The following KCNK6 variants were observed in gnomAD, a reference collection of about 807,000 sequenced individuals.
The protein encoded by KCNK6 is potassium two pore domain channel subfamily K member 6.
KCNK6 carries 20 observed loss-of-function variants against 21.9 expected under a neutral mutation model. That is an observed-to-expected ratio of 0.91 (90% CI 0.64 to 1.32). The LOEUF is 1.32. Among genes scored for constraint, KCNK6 ranks in the 40% most tolerant of loss-of-function variants. KCNK6 has a pLI of 0.00. For missense variants in KCNK6, 415 were observed against 433.1 expected, an observed-to-expected ratio of 0.96 and a Z score of 0.37; for synonymous variants, 210 against 218.0, an observed-to-expected ratio of 0.96 and a Z score of 0.32.
Position 38,326,770 on chromosome 19 carries a change from G to A in KCNK6, c.500G>A (p.Arg167Gln), listed in dbSNP as rs140431939. 7.5e-6 allele frequency: 12 copies of A among 1,604,462 alleles called. No individual in the cohort carries two copies. Among genetic ancestry groups the A allele is most frequent in the Admixed American group, 3.3e-5 (2 of 60,006 alleles). The change falls in exon 2 of 3, where the codon CGG (arginine) becomes CAG (glutamine). Residue 167 changes from arginine to glutamine, a missense_variant. Transcript: ENST00000263372. Reference protein sequence around the residue: ...LSMRWGWDPRRAACWHLVALL... With the variant: ...LSMRWGWDPRQAACWHLVALL... ...ATGCGTTGGGGCTGGGACCCCCGGC[G>A]GGCGGCCTGCTGGCACTTGGTGGCC...
At position 38,327,421 on chromosome 19, in the gene KCNK6, A is replaced by C; in HGVS notation, c.*18A>C. Reference sequence around the variant, plus strand: ...CCAGGTAGCTGGGGCAGCCTCTGCCAGGCTTGGGTGTGCCTGGCCTGGGAC... The same window carrying C: ...CCAGGTAGCTGGGGCAGCCTCTGCCCGGCTTGGGTGTGCCTGGCCTGGGAC... On this transcript the variant is annotated 3_prime_UTR_variant, in exon 3 of 3. Transcript: ENST00000263372. 3 of 1,601,932 alleles carry C rather than the reference A, an allele frequency of 1.9e-6. No individual in the cohort carries two copies. The highest frequency in any genetic ancestry group is 1.1e-5 in the South Asian group (1 of 90,924).
Position 38,327,742 on chromosome 19 carries a change from T to C in KCNK6, c.*339T>C, listed in dbSNP as rs1665659304. The C allele has an allele frequency of 2.9e-6, 1 of 340,332 alleles. No individual in the cohort carries two copies. Among genetic ancestry groups the C allele is most frequent in the South Asian group, 3.1e-5 (1 of 31,774 alleles). The allele number at this position is 340,332 out of a possible 1,614,324, so 21.1% of individuals were successfully genotyped here. ...CTCATTCTCTTTCATGTTCCGTCTG[T>C]GTCTCTCAATTAACCACTCGTCAAC... On this transcript the variant is annotated 3_prime_UTR_variant, in exon 3 of 3. Transcript: ENST00000263372.
In KCNK6 at chr19:38,326,869, G is replaced by C. The variant is rs745904290; in HGVS notation, c.599G>C (p.Ser200Thr). Residue 200 changes from serine to threonine, a missense_variant, in exon 2 of 3, where the codon AGC (serine) becomes ACC (threonine). Coordinates refer to ENST00000263372, the MANE Select transcript of KCNK6 (RefSeq NM_004823.3). ...TTTGCCCACCTCGAGGAGGCCTGGA[G>C]CTTCTTGGATGCCTTCTACTTCTGC... ...VIFAHLEEAW[S>T]FLDAFYFCFI... is the part of the protein sequence containing the mutation. 3.1e-6 allele frequency: 5 copies of C among 1,611,876 alleles called. No homozygotes were observed. Among genetic ancestry groups the C allele is most frequent in the African/African-American group, 1.3e-5 (1 of 74,948 alleles).
chr19:38,320,030 G>T lies in KCNK6; in HGVS notation c.80G>T (p.Arg27Leu). 3 of 1,495,900 alleles carry T rather than the reference G, an allele frequency of 2.0e-6. No homozygotes were observed. The highest frequency in any genetic ancestry group is 2.7e-6 in the Non-Finnish European group (3 of 1,131,972). The allele number at this position is 1,495,900 out of a possible 1,614,324, so 92.7% of individuals were successfully genotyped here. A position where few individuals can be genotyped will look rare whatever the true frequency, so the allele number is the denominator to read the frequency against. The change falls in exon 1 of 3, where the codon CGG (arginine) becomes CTG (leucine). Residue 27 changes from arginine (R) to leucine (L), a missense_variant. Coordinates refer to ENST00000263372, the MANE Select transcript of KCNK6 (RefSeq NM_004823.3). ...YLVLGALLVA[R>L]LEGPHEARLR... ...GTGCTGGGCGCGCTGTTGGTGGCGC[G>T]GCTGGAGGGGCCGCACGAAGCCAGG...
chr19:38,321,370 T>A (rs1016239683), intron 1 of KCNK6, among the ~76,000 whole-genome samples: 3 of 152,072 alleles, frequency 2.0e-5, no homozygotes, highest in African/African-American at 7.2e-5. Context: ...TCTTGACATC[T>A]CCCCTATATG....
chr19:38,326,492 A>C (rs1025123464), intron 1 of KCNK6, 101 bp from the exon 2 acceptor site: 88 of 1,342,548 alleles, frequency 6.6e-5, no homozygotes, highest in Admixed American at 2.4e-4. Flanking sequence ...TCAAGACTGC[A>C]GTAAGCTATG....
Position 38,326,739 on chromosome 19 carries a change from C to G in KCNK6, c.469C>G (p.Leu157Val). 1 of 1,604,596 alleles carries G rather than the reference C, an allele frequency of 6.2e-7. No homozygotes were observed. The highest frequency in any genetic ancestry group is 8.5e-7 in the Non-Finnish European group (1 of 1,179,968). The change falls in exon 2 of 3, where the codon CTG (leucine) becomes GTG (valine). Residue 157 changes from leucine to valine, a missense_variant. Physicochemically the swap from Leu to Val is conservative, Grantham distance 32. Transcript: ENST00000263372. ...LLLTHVPLSWLSMRWGWDPRR... is the reference protein window; with the variant it reads ...LLLTHVPLSWVSMRWGWDPRR... ...GCTGACTCACGTGCCCCTGTCTTGG[C>G]TGAGCATGCGTTGGGGCTGGGACCC...
Position 38,330,036 on chromosome 19 carries a change from A to C in KCNK6, c.*2633A>C, listed in dbSNP as rs1176640415. 1.3e-5 allele frequency: 2 copies of C among 152,354 alleles called. No individual in the cohort carries two copies. The highest frequency in any genetic ancestry group is 6.5e-5 in the Admixed American group (1 of 15,272). The allele number at this position is 152,354 out of a possible 1,614,324, so 9.4% of individuals were successfully genotyped here. On this transcript the variant is annotated 3_prime_UTR_variant, in exon 3 of 3. Transcript: ENST00000263372. ...CAAAAGGGACACCCAGGGGTGTATC[A>C]AGAGGTCATAGGGGGCAGGCCAGGT...
In KCNK6 at chr19:38,326,492, A is replaced by T. The variant is rs1025123464; in HGVS notation, c.323-101A>T. On this transcript the variant is annotated intron_variant, in intron 1 of 2. Transcript: ENST00000263372. The stretch of plus-strand genomic sequence containing the variant: ...CTTAGGTCCAGGAGTTCAAGACTGC[A>T]GTAAGCTATGATGGCACCGCTGCAC... 5 of 1,342,548 alleles carry T rather than the reference A, an allele frequency of 3.7e-6. No homozygotes were observed. In the South Asian group the frequency reaches 6.9e-5, roughly 19 times the overall value. 83.2% of individuals were successfully genotyped at this position (1,342,548 alleles called of 1,614,324 possible). A position where few individuals can be genotyped will look rare whatever the true frequency, so the allele number is the denominator to read the frequency against.
chr19:38,330,907 T>C lies in KCNK6; in HGVS notation c.*3504T>C, dbSNP rs1392869624. On this transcript the variant is annotated 3_prime_UTR_variant, in exon 3 of 3. Coordinates refer to ENST00000263372, the MANE Select transcript of KCNK6 (RefSeq NM_004823.3). ...CCCAACCTTCTCGGTTCCTTACCTA[T>C]GTCACAGCTGACTTTGAGCTAAAGT... The C allele has an allele frequency of 6.6e-6, 1 of 152,240 alleles. No individual in the cohort carries two copies. The highest frequency in any genetic ancestry group is 1.5e-5 in the Non-Finnish European group (1 of 68,044). 9.4% of individuals were successfully genotyped at this position (152,240 alleles called of 1,614,324 possible).
chr19:38,325,423 C>T (rs576134066), intron 1 of KCNK6: 8 of 985,522 alleles, frequency 8.1e-6, no homozygotes, highest in Admixed American at 1.2e-4. Flanking sequence ...CCCATTGTCT[C>T]GCCCATTTTA....
At position 38,327,344 on chromosome 19, in the gene KCNK6, G is replaced by C; in HGVS notation, c.883G>C (p.Glu295Gln). The C allele has an allele frequency of 6.2e-7, 1 of 1,612,714 alleles. No individual in the cohort carries two copies. Among genetic ancestry groups the C allele is most frequent in the Non-Finnish European group, 8.5e-7 (1 of 1,180,014 alleles). ...DRVDILGPQPESHQQLSASSH... is the reference protein window; with the variant it reads ...DRVDILGPQPQSHQQLSASSH... ...GGTGGACATCCTGGGCCCCCAGCCG[G>C]AGTCGCACCAGCAACTCTCTGCCAG... Residue 295 changes from glutamate (E) to glutamine (Q), a missense_variant, in exon 3 of 3, where the codon GAG becomes CAG. By Grantham distance (29) the Glu-to-Gln change is conservative. Coordinates refer to ENST00000263372, the MANE Select transcript of KCNK6 (RefSeq NM_004823.3).
At chr19:38,320,328 TAACCCCTGGG>T in intron 1 of KCNK6, 56 bp downstream of exon 1, 2 of 1,578,780 alleles carry the variant, frequency 1.3e-6, no homozygotes, top group Admixed American at 3.4e-5. Context: ...ACTTCATCCT[TAACCCCTGGG>T]GACCCCGGGG....
At chr19:38,323,876 G>A (rs572042137) in intron 1 of KCNK6, among the ~76,000 whole-genome samples, 4 of 152,216 alleles carry the variant, frequency 2.6e-5, no homozygotes, top group Admixed American at 2.0e-4. Flanking sequence ...TTACAGGTGT[G>A]AGCCACCTTG....
At chr19:38,323,819 C>T (rs1404704770) in intron 1 of KCNK6, among the ~76,000 whole-genome samples, 1 of 152,102 alleles carries the variant, frequency 6.6e-6, no homozygotes. Flanking sequence ...TCAAACTACT[C>T]CTAGGCTCAA....
In KCNK6 at chr19:38,319,984, G is replaced by C. The variant is rs1969627887; in HGVS notation, c.34G>C (p.Ala12Pro). Reference protein sequence around the residue: ...RRGALLAGALAAYAAYLVLGA... With the variant: ...RRGALLAGALPAYAAYLVLGA... ...GGGCGCGCTTCTGGCGGGCGCCTTGGCCGCGTACGCCGCGTACCTGGTGCT... is the reference window on the plus strand; with the variant it reads ...GGGCGCGCTTCTGGCGGGCGCCTTGCCCGCGTACGCCGCGTACCTGGTGCT... The change falls in exon 1 of 3, where the codon GCC becomes CCC. Residue 12 changes from alanine to proline, a missense_variant. Transcript: ENST00000263372. 1 of 1,472,686 alleles carries C rather than the reference G, an allele frequency of 6.8e-7. No homozygotes were observed. Among genetic ancestry groups the C allele is most frequent in the African/African-American group, 1.5e-5 (1 of 67,728 alleles). 91.2% of individuals were successfully genotyped at this position (1,472,686 alleles called of 1,614,324 possible). A position where few individuals can be genotyped will look rare whatever the true frequency, so the allele number is the denominator to read the frequency against.
chr19:38,325,505 A>G (rs1969698282), intron 1 of KCNK6: 1 of 985,316 alleles, frequency 1.0e-6, no homozygotes, highest in African/African-American at 1.7e-5. Context: ...AGAAGTACTG[A>G]TCGAGCGCCC....
At position 38,327,455 on chromosome 19, in the gene KCNK6, C is replaced by A; in HGVS notation, c.*52C>A. The A allele has an allele frequency of 6.5e-7, 1 of 1,537,866 alleles. No individual in the cohort carries two copies. Among genetic ancestry groups the A allele is most frequent in the Admixed American group, 1.7e-5 (1 of 58,282 alleles). ...TGTGCCTGGCCTGGGACTGAGGGGT[C>A]CAGGCGACCAGAGCTGGCTGTACAG... On this transcript the variant is annotated 3_prime_UTR_variant, in exon 3 of 3. Transcript: ENST00000263372.
chr19:38,321,925 G>A (rs1969656507), intron 1 of KCNK6, among the ~76,000 whole-genome samples: 1 of 152,238 alleles, frequency 6.6e-6, no homozygotes, highest in South Asian at 2.1e-4. Context: ...TCCCTGCTCA[G>A]CCGCGGCTCA....
Sources: allele counts gnomAD v4.1 joint callset (sites outside exome capture counted in the v4.1 genomes callset), GRCh38; gene constraint gnomAD v4.1.1; transcripts MANE v1.5; gene names NCBI Gene and HGNC (gene_info 2026-07-23, HGNC 2026-07-21).